The following ZNF254 variants were observed in gnomAD, a reference collection of about 807,000 sequenced individuals.
ZNF254 encodes the protein zinc finger protein 254.
In ZNF254, 10 loss-of-function variants were observed where a neutral mutation model predicts 12.4. The observed-to-expected ratio is 0.80, with a 90% CI of 0.50 to 1.36. The LOEUF (loss-of-function observed/expected upper bound fraction) is 1.36. Ranked by LOEUF, ZNF254 falls within the 40% of genes most tolerant of loss-of-function variation. ZNF254 has a pLI of 0.00. For missense variants in ZNF254, 996 were observed against 763.9 expected, an observed-to-expected ratio of 1.30 and a Z score of -3.58; for synonymous variants, 305 against 253.4, an observed-to-expected ratio of 1.20 and a Z score of -1.93.
In ZNF254 at chr19:24,126,355, A is replaced by G. The variant is rs1974836426; in HGVS notation, c.355A>G (p.Asn119Asp). 6.2e-7 allele frequency: 1 copy of G among 1,609,780 alleles called. No homozygotes were observed. Among genetic ancestry groups the G allele is most frequent in the Non-Finnish European group, 8.5e-7 (1 of 1,178,236 alleles). ...LRRYGKYGHE[N>D]LQLRKGCKSV... ...AAGATATGGAAAATATGGACATGAG[A>G]ATTTACAGTTAAGAAAAGGCTGTAA... Residue 119 changes from asparagine to aspartate, a missense_variant, in exon 4 of 4, where the codon AAT becomes GAT. Transcript: ENST00000357002.
chr19:24,076,543 G>A (rs1433293043), intron 2 of ZNF254, among the ~76,000 whole-genome samples: 1 of 152,156 alleles, frequency 6.6e-6, no homozygotes, highest in African/African-American at 2.4e-5. Flanking sequence ...TTGCAGCCCA[G>A]TAGGTCTCAG....
upstream of ZNF254, among the ~76,000 whole-genome samples, chr19:24,086,486 TA>T (rs1972045222): frequency 1.3e-5 from 2 of 151,390 alleles, no homozygotes; most frequent in African/African-American, 4.9e-5. Context: ...TTTTTTCTTT[TA>T]TTTTTTTGAG....
intron 1 of ZNF254, among the ~76,000 whole-genome samples, chr19:24,045,300 T>A (rs1332053813): frequency 6.6e-6 from 1 of 152,188 alleles, no homozygotes; most frequent in Non-Finnish European, 1.5e-5. Flanking sequence ...CCATTTATCT[T>A]TTTAACTTTT....
intron 1 of ZNF254, among the ~76,000 whole-genome samples, chr19:24,095,030 C>T (rs1258272436): frequency 6.6e-6 from 1 of 152,172 alleles, no homozygotes; most frequent in East Asian, 1.9e-4. Flanking sequence ...GATGGTTTGT[C>T]ATATAGATAA....
At chr19:24,115,690 AAAAT>A (rs1010537694) in intron 3 of ZNF254, among the ~76,000 whole-genome samples, 12 of 152,288 alleles carry the variant, frequency 7.9e-5, no homozygotes, top group South Asian at 2.1e-4. Flanking sequence ...TAAAAAAAGA[AAAAT>A]AAATAAAGTT....
intron 2 of ZNF254, chr19:24,049,527 T>TA (rs933295910): frequency 6.6e-6 from 1 of 152,098 alleles, no homozygotes; most frequent in Non-Finnish European, 1.5e-5. Flanking sequence ...GATTGTGACA[T>TA]ATCGTTGGAC....
chr19:24,052,564 T>A (rs2145322579), intron 2 of ZNF254, among the ~76,000 whole-genome samples: 1 of 152,302 alleles, frequency 6.6e-6, no homozygotes, highest in East Asian at 1.9e-4. Context: ...TCCTGCCTGG[T>A]CCTTGCCCAC....
chr19:24,123,654 A>G (rs1974636268), intron 3 of ZNF254, among the ~76,000 whole-genome samples: 1 of 152,050 alleles, frequency 6.6e-6, no homozygotes, highest in South Asian at 2.1e-4. Flanking sequence ...ATATACACAA[A>G]TTTTTCATAG....
Position 24,107,595 on chromosome 19 carries a change from C to CAT in ZNF254, c.253+961_253+962dup, listed in dbSNP as rs942820256. Among the ~76,000 whole-genome samples, 157 of 152,042 alleles carry CAT rather than the reference C, an allele frequency of 1.0e-3. 1 individual carries two copies. The highest frequency in any genetic ancestry group is 3.6e-3 in the African/African-American group (148 of 41,460). On this transcript the variant is annotated intron_variant, in intron 3 of 3. Coordinates refer to ENST00000357002, the MANE Select transcript of ZNF254 (RefSeq NM_203282.4). ...GGTTTTAATGTACTCTCTCTATATA[C>CAT]ATATATATATGATTACATGATCTAC...
At chr19:24,117,724 A>G (rs1974193755) in intron 3 of ZNF254, among the ~76,000 whole-genome samples, 5 of 151,162 alleles carry the variant, frequency 3.3e-5, no homozygotes, top group African/African-American at 1.2e-4. Flanking sequence ...ACTGTCTGTC[A>G]CTCCCTAGTG....
At chr19:24,111,668 CATT>C (rs1416873973) in intron 3 of ZNF254, among the ~76,000 whole-genome samples, 2 of 152,208 alleles carry the variant, frequency 1.3e-5, no homozygotes, top group African/African-American at 4.8e-5. Context: ...AATGGTATCT[CATT>C]GTGGTTTTGA....
chr19:24,039,251 G>A (rs1378667000), intron 1 of ZNF254, among the ~76,000 whole-genome samples: 2 of 152,206 alleles, frequency 1.3e-5, no homozygotes, highest in Non-Finnish European at 2.9e-5. Context: ...TTGAGATTGT[G>A]TGAGGAGCTC....
chr19:24,094,417 C>T (rs758870268), intron 1 of ZNF254, among the ~76,000 whole-genome samples: 13 of 151,946 alleles, frequency 8.6e-5, no homozygotes, highest in Non-Finnish European at 1.5e-4. Context: ...TCCGCCACTG[C>T]GCCTGGTTAA....
chr19:24,126,607 A>G lies in ZNF254; in HGVS notation c.607A>G (p.Ile203Val), dbSNP rs750402412. 11 of 1,606,196 alleles carry G rather than the reference A, an allele frequency of 6.8e-6. No individual in the cohort carries two copies. The African/African-American group carries it at 8.1e-5, about 12-fold the overall frequency. ...MLSHKTQHKSIYHREKSYKCK... is the reference protein window; with the variant it reads ...MLSHKTQHKSVYHREKSYKCK... ...TTCACATAAAACCCAACACAAAAGC[A>G]TTTATCATAGAGAGAAGTCCTACAA... The change falls in exon 4 of 4, where the codon ATT becomes GTT. Residue 203 changes from isoleucine to valine, a missense_variant. Coordinates refer to ENST00000357002, the MANE Select transcript of ZNF254 (RefSeq NM_203282.4).
intron 2 of ZNF254, among the ~76,000 whole-genome samples, chr19:24,061,452 C>G (rs1204368825): frequency 6.6e-6 from 1 of 152,018 alleles, no homozygotes; most frequent in African/African-American, 2.4e-5. Context: ...TTTCTACCTG[C>G]ACCCTCCCCA....
rs189545079 is a variant in ZNF254 at position 24,077,089 on chromosome 19, A to G, written c.-93-28851A>G. Among the ~76,000 whole-genome samples, 23 of 152,318 alleles carry G rather than the reference A, an allele frequency of 1.5e-4. No homozygotes were observed. The East Asian group carries it at 1.9e-3, about 13-fold the overall frequency. On this transcript the variant is annotated intron_variant, in intron 2 of 4. Transcript: ENST00000613065. ...TGCCCTATTGTTAATTTTAAAATGC[A>G]GATTCACTGAGCCAGGCTAAATTGT...
intron 1 of ZNF254, among the ~76,000 whole-genome samples, chr19:24,034,516 G>A (rs1263459132): frequency 2.0e-5 from 1 of 50,566 alleles, no homozygotes; most frequent in Non-Finnish European, 4.0e-5. Context: ...TTTTTCTTTT[G>A]TGCCAGAGTC....
intron 2 of ZNF254, among the ~76,000 whole-genome samples, chr19:24,075,579 T>TA (rs1400325640): frequency 2.0e-5 from 3 of 151,912 alleles, no homozygotes; most frequent in African/African-American, 7.2e-5. Context: ...TCAAAGGCGA[T>TA]AAAATATCAC....
chr19:24,114,259 G>C (rs1973893957), intron 3 of ZNF254, among the ~76,000 whole-genome samples: 1 of 151,618 alleles, frequency 6.6e-6, no homozygotes, highest in Non-Finnish European at 1.5e-5. Context: ...GAGGCATCAT[G>C]CTACCTGACT....
Sources: allele counts gnomAD v4.1 joint callset (sites outside exome capture counted in the v4.1 genomes callset), GRCh38; gene constraint gnomAD v4.1.1; transcripts MANE v1.5; gene names NCBI Gene and HGNC (gene_info 2026-07-23, HGNC 2026-07-21).